BNC2: variants seen among roughly 807,000 people sequenced by gnomAD.
BNC2 encodes zinc finger protein basonuclin-2.
In BNC2, 20 loss-of-function variants were observed where a neutral mutation model predicts 76.3. The observed-to-expected ratio is 0.26, with a 90% CI of 0.18 to 0.38. The LOEUF (loss-of-function observed/expected upper bound fraction) is 0.38. Ranked by LOEUF, BNC2 falls within the 10% of genes least tolerant of loss-of-function variation. BNC2 has a pLI of 1.00. For synonymous variants in BNC2, 582 were observed against 514.8 expected (o/e 1.13, Z -1.77); for missense variants, 1,382 against 1,399.8 (o/e 0.99, Z 0.20).
At position 16,870,670 on chromosome 9, in the gene BNC2, T is replaced by A; in HGVS notation, c.-22A>T. 2 of 1,609,738 alleles carry A rather than the reference T, an allele frequency of 1.2e-6. No homozygotes were observed. Among genetic ancestry groups the A allele is most frequent in the Non-Finnish European group, 1.7e-6 (2 of 1,178,106 alleles). On this transcript the variant is annotated 5_prime_UTR_variant, in exon 1 of 7. Transcript: ENST00000380672. ...CCATCTCGGCATGCTGGTTGTCAAGTGCAGCCCCCGCCTCTTGGTCTCCTC... is the reference window on the plus strand; with the variant it reads ...CCATCTCGGCATGCTGGTTGTCAAGAGCAGCCCCCGCCTCTTGGTCTCCTC...
At position 16,413,597 on chromosome 9, in the gene BNC2, G is replaced by C. The variant is rs576267713; in HGVS notation, c.*5392C>G. 6.6e-6 allele frequency: 1 copy of C among 152,240 alleles called. No homozygotes were observed. Among genetic ancestry groups the C allele is most frequent in the East Asian group, 1.9e-4 (1 of 5,164 alleles). The allele number at this position is 152,240 out of a possible 1,614,324, so 9.4% of individuals were successfully genotyped here. ...GAAGGACGGGTATGTGGGCAACAGT[G>C]ATGACAGATAACTCACTGGTCAGTT... is the stretch of plus-strand genomic sequence containing the variant. On this transcript the variant is annotated 3_prime_UTR_variant, in exon 7 of 7. Coordinates refer to ENST00000380672, the MANE Select transcript of BNC2 (RefSeq NM_017637.6).
intron 5 of BNC2, among the ~76,000 whole-genome samples, chr9:16,478,315 C>T (rs973903866): frequency 6.6e-6 from 1 of 152,178 alleles, no homozygotes; most frequent in African/African-American, 2.4e-5. Flanking sequence ...CCACCCTGGT[C>T]ATGAGTGGTG....
At chr9:16,677,333 G>T (rs903346379) in intron 3 of BNC2, among the ~76,000 whole-genome samples, 1 of 152,154 alleles carries the variant, frequency 6.6e-6, no homozygotes, top group African/African-American at 2.4e-5. Context: ...AGCACTTTGG[G>T]TGGCTGAGGC....
At chr9:16,420,661 TTGTA>T (rs537966115) in intron 6 of BNC2, among the ~76,000 whole-genome samples, 11 of 151,728 alleles carry the variant, frequency 7.2e-5, no homozygotes, top group African/African-American at 2.2e-4. Context: ...AGTGCTTTGC[TTGTA>T]TGTATGTATG....
At chr9:16,654,811 G>C (rs964720430) in intron 3 of BNC2, among the ~76,000 whole-genome samples, 6 of 152,146 alleles carry the variant, frequency 3.9e-5, no homozygotes, top group Non-Finnish European at 7.3e-5. Context: ...GCAGCAGTTT[G>C]AGTTATCCCA....
intron 3 of BNC2, among the ~76,000 whole-genome samples, chr9:16,619,871 T>C (rs564607482): frequency 3.3e-4 from 51 of 152,304 alleles, no homozygotes; most frequent in Middle Eastern, 3.4e-3. Context: ...TAAGTGTTCT[T>C]CTCTTTTAAG....
chr9:16,719,633 T>C (rs7869097), intron 3 of BNC2, among the ~76,000 whole-genome samples: 5,445 of 152,302 alleles, frequency 0.036, 265 homozygotes, highest in East Asian at 0.11. Context: ...GTCTTTCCCA[T>C]ACAGAATATG....
At chr9:16,462,092 T>A (rs940068817) in intron 5 of BNC2, among the ~76,000 whole-genome samples, 35 of 152,314 alleles carry the variant, frequency 2.3e-4, no homozygotes, top group African/African-American at 7.9e-4. Flanking sequence ...GAGTGTCCAT[T>A]GGCAAGTCTA....
chr9:16,551,026 T>A (rs1380020272), intron 5 of BNC2, among the ~76,000 whole-genome samples: 1 of 152,154 alleles, frequency 6.6e-6, no homozygotes, highest in African/African-American at 2.4e-5. Context: ...TCCTCCTAGA[T>A]CTTGTTCCCC....
intron 5 of BNC2, among the ~76,000 whole-genome samples, chr9:16,448,722 T>G (rs1821277993): frequency 6.6e-6 from 1 of 152,184 alleles, no homozygotes; most frequent in Non-Finnish European, 1.5e-5. Flanking sequence ...GATTTAACTT[T>G]GTTCTTTTCT....
intron 3 of BNC2, among the ~76,000 whole-genome samples, chr9:16,662,451 C>G (rs1822136590): frequency 6.6e-6 from 1 of 152,052 alleles, no homozygotes; most frequent in African/African-American, 2.4e-5. Context: ...GAGAAAATAC[C>G]CGGGCTGAGC....
In BNC2 at chr9:16,553,200, A is replaced by C. The variant is rs555144277; in HGVS notation, c.434-435T>G. The stretch of plus-strand genomic sequence containing the variant: ...CATGCCATATGGGCAGGCTCAGTGA[A>C]TATCACTTTTCTGAATAAGATTCAC... On this transcript the variant is annotated intron_variant, in intron 4 of 6. Transcript: ENST00000380672. 3.9e-5 allele frequency among the ~76,000 whole-genome samples: 6 copies of C among 152,310 alleles called. No homozygotes were observed. In the South Asian group the frequency reaches 1.2e-3, roughly 32 times the overall value.
intron 3 of BNC2, among the ~76,000 whole-genome samples, chr9:16,712,738 A>G (rs943472905): frequency 6.6e-6 from 1 of 152,238 alleles, no homozygotes; most frequent in Non-Finnish European, 1.5e-5. Context: ...CAGGTGTTTA[A>G]AAGAAATAAA....
intron 1 of BNC2, among the ~76,000 whole-genome samples, chr9:16,823,840 C>G (rs2135964866): frequency 6.6e-6 from 1 of 152,244 alleles, no homozygotes; most frequent in Non-Finnish European, 1.5e-5. Flanking sequence ...CTGACTTTCT[C>G]TAAAGGTCTT....
intron 5 of BNC2, among the ~76,000 whole-genome samples, chr9:16,550,241 T>TG (rs1818617002): frequency 6.6e-6 from 1 of 151,706 alleles, no homozygotes; most frequent in African/African-American, 2.4e-5. Flanking sequence ...GTAAACTTTC[T>TG]TAAAACATTA....
intron 3 of BNC2, among the ~76,000 whole-genome samples, chr9:16,708,107 T>C (rs1014637348): frequency 8.6e-5 from 13 of 151,962 alleles, no homozygotes; most frequent in Admixed American, 6.6e-4. Flanking sequence ...GAAGAAAAAA[T>C]GTCGTATCAG....
intron 1 of BNC2, among the ~76,000 whole-genome samples, chr9:16,762,076 C>A (rs1363861925): frequency 6.6e-6 from 1 of 152,146 alleles, no homozygotes; most frequent in African/African-American, 2.4e-5. Flanking sequence ...GGGTAGGTTA[C>A]TTTAGAATAG....
chr9:16,645,353 T>C (rs1407298384), intron 3 of BNC2, among the ~76,000 whole-genome samples: 2 of 152,224 alleles, frequency 1.3e-5, no homozygotes, highest in Non-Finnish European at 2.9e-5. Flanking sequence ...TTCTGCCTTT[T>C]CACATGTTCT....
chr9:16,668,511 A>C (rs984925690), intron 3 of BNC2, among the ~76,000 whole-genome samples: 3 of 152,212 alleles, frequency 2.0e-5, no homozygotes, highest in African/African-American at 7.2e-5. Flanking sequence ...ATACTTAACA[A>C]CGTCAGGATG....
Sources: allele counts gnomAD v4.1 joint callset (sites outside exome capture counted in the v4.1 genomes callset), GRCh38; gene constraint gnomAD v4.1.1; transcripts MANE v1.5; gene names NCBI Gene and HGNC (gene_info 2026-07-23, HGNC 2026-07-21).